CDK12: variants seen among roughly 807,000 people sequenced by gnomAD.
CDK12 encodes the protein cyclin-dependent kinase 12.
In CDK12, 17 loss-of-function variants were observed where a neutral mutation model predicts 133.8. The observed-to-expected ratio is 0.13, with a 90% CI of 0.09 to 0.19. The LOEUF (loss-of-function observed/expected upper bound fraction) is 0.19. CDK12 is among the 10% of genes least tolerant of loss of function. The pLI, the probability that CDK12 is intolerant of heterozygous loss-of-function variation, is 1.00. For missense variants in CDK12, 1,508 were observed against 1,818.7 expected (o/e 0.83, Z 3.11); for synonymous variants, 694 against 683.6 (o/e 1.02, Z -0.24).
intron 1 of CDK12, among the ~76,000 whole-genome samples, chr17:39,470,357 G>A (rs1239401810): frequency 1.3e-5 from 2 of 151,990 alleles, no homozygotes; most frequent in Non-Finnish European, 2.9e-5. Flanking sequence ...TGCTGACCTG[G>A]TGATCTGCCC....
chr17:39,558,473 G>T (rs1371792831), intron 3 of CDK12, among the ~76,000 whole-genome samples: 1 of 152,148 alleles, frequency 6.6e-6, no homozygotes, highest in Non-Finnish European at 1.5e-5. Flanking sequence ...GCCAGGCATT[G>T]TACTGAGTGT....
chr17:39,498,519 G>A (rs574690460), intron 5 of CDK12, among the ~76,000 whole-genome samples: 5 of 151,976 alleles, frequency 3.3e-5, no homozygotes, highest in South Asian at 2.1e-4. Flanking sequence ...CGCCGCGCCC[G>A]GCCATCCTTC....
downstream of CDK12, among the ~76,000 whole-genome samples, chr17:39,537,638 C>T (rs1263294055): frequency 1.3e-5 from 2 of 150,456 alleles, no homozygotes; most frequent in African/African-American, 4.9e-5. Context: ...TCTCGGCTCA[C>T]TGCAGCCTCC....
chr17:39,557,830 G>C (rs552637153), intron 3 of CDK12, among the ~76,000 whole-genome samples: 24 of 152,266 alleles, frequency 1.6e-4, no homozygotes, highest in Admixed American at 9.2e-4. Context: ...ACAAGTTTTG[G>C]AGACAGACAG....
In CDK12 at chr17:39,525,116, C is replaced by T. The variant is rs1326565733; in HGVS notation, c.3307+231C>T. On this transcript the variant is annotated intron_variant, in intron 12 of 13. Transcript: ENST00000447079. ...TTCCTTTCCTGAAATATGTACGGAACACTGTATCTCAATTAGATGTGTGGC... is the reference window on the plus strand; with the variant it reads ...TTCCTTTCCTGAAATATGTACGGAATACTGTATCTCAATTAGATGTGTGGC... Among the ~76,000 whole-genome samples the T allele has an allele frequency of 2.0e-5, 3 of 152,164 alleles. No homozygotes were observed. The East Asian group carries it at 5.8e-4, about 29-fold the overall frequency.
At chr17:39,517,340 CCCCAGA>C in intron 9 of CDK12, 94 bp from the exon 10 acceptor site, 1 of 707,578 alleles carries the variant, frequency 1.4e-6, no homozygotes, top group Non-Finnish European at 2.5e-6. Flanking sequence ...ACCAAAGATT[CCCCAGA>C]CCTCAGGAGG....
chr17:39,538,904 A>AATACATAC (rs199620122), downstream of CDK12, among the ~76,000 whole-genome samples: 4,278 of 144,878 alleles, frequency 0.03, 74 homozygotes, highest in East Asian at 0.047. Flanking sequence ...ATCTCAAATA[A>AATACATAC]ATACATACAT....
At chr17:39,525,261 G>C (rs999914464) in intron 12 of CDK12, among the ~76,000 whole-genome samples, 2 of 152,160 alleles carry the variant, frequency 1.3e-5, no homozygotes, top group African/African-American at 4.8e-5. Flanking sequence ...ATAGAATCTA[G>C]TAGTGTTAAA....
At chr17:39,466,198 C>G (rs1043990222) in intron 1 of CDK12, among the ~76,000 whole-genome samples, 2 of 151,436 alleles carry the variant, frequency 1.3e-5, no homozygotes, top group Admixed American at 6.6e-5. Context: ...ATCCCAGCTA[C>G]TCGGGAGGCT....
chr17:39,491,539 T>C (rs1448783170), intron 3 of CDK12, among the ~76,000 whole-genome samples: 1 of 152,062 alleles, frequency 6.6e-6, no homozygotes, highest in East Asian at 1.9e-4. Context: ...TCCGGCCTTA[T>C]ATTTTCATAG....
At chr17:39,515,911 T>C (rs550846394) in intron 9 of CDK12, 103 bp downstream of exon 9, 4 of 707,110 alleles carry the variant, frequency 5.7e-6, no homozygotes, top group East Asian at 5.4e-5. Flanking sequence ...ATGTTTCTTA[T>C]GTCCAAGTAA....
intron 5 of CDK12, 49 bp downstream of exon 5, chr17:39,494,743 G>T: frequency 6.5e-5 from 80 of 1,237,292 alleles, no homozygotes; most frequent in South Asian, 2.7e-4. Flanking sequence ...TCCAATCTTT[G>T]CCTTTCTTTT....
chr17:39,464,297 T>G (rs908234460), intron 1 of CDK12, among the ~76,000 whole-genome samples: 2 of 151,982 alleles, frequency 1.3e-5, no homozygotes, highest in African/African-American at 4.8e-5. Context: ...CTTGGCTCAC[T>G]GCAGCCTTGA....
At chr17:39,476,715 T>TTTTTTTTTTTC (rs2050227945) in intron 2 of CDK12, among the ~76,000 whole-genome samples, 7 of 98,390 alleles carry the variant, frequency 7.1e-5, no homozygotes, top group African/African-American at 3.0e-4. Flanking sequence ...GCCTGCCTTT[T>TTTTTTTTTTTC]TTTTTTTTTT....
At chr17:39,491,453 T>C (rs2145840383) in intron 3 of CDK12, among the ~76,000 whole-genome samples, 1 of 152,104 alleles carries the variant, frequency 6.6e-6, no homozygotes, top group Middle Eastern at 3.4e-3. Context: ...GCCAGGCTGG[T>C]CTCGAACTCT....
rs2055031040 is a variant in CDK12, at chr17:39,534,277, G to A, written c.*2961G>A. The A allele has an allele frequency of 4.3e-6, 1 of 232,836 alleles. No homozygotes were observed. Among genetic ancestry groups the A allele is most frequent in the African/African-American group, 2.2e-5 (1 of 45,316 alleles). The allele number at this position is 232,836 out of a possible 1,614,324, so 14.4% of individuals were successfully genotyped here. On this transcript the variant is annotated 3_prime_UTR_variant, in exon 14 of 14. Transcript: ENST00000447079. ...ATCACCCAACCACTTGTATGTGTGT[G>A]TGTATATATAATATGCATATATAGT...
intron 8 of CDK12, among the ~76,000 whole-genome samples, chr17:39,514,741 A>G (rs4794813): frequency 3.9e-5 from 6 of 152,036 alleles, no homozygotes; most frequent in African/African-American, 1.5e-4. Flanking sequence ...ATTTAAACCT[A>G]TTTTATTGAA....
Position 39,492,793 on chromosome 17 carries a change from C to T in CDK12, c.2151C>T (p.Ser717=), listed in dbSNP as rs777401578. 10 of 1,612,154 alleles carry T rather than the reference C, an allele frequency of 6.2e-6. No individual in the cohort carries two copies. The highest frequency in any genetic ancestry group is 2.7e-5 in the African/African-American group (2 of 74,764). Residue 717 remains serine, a synonymous_variant, in exon 4 of 14, where the codon AGC becomes AGT. Coordinates refer to ENST00000447079, the MANE Select transcript of CDK12 (RefSeq NM_016507.4). ...PRYGERRQTE[S]DWGKRCVDKF... ...ATGGAGAAAGAAGACAAACAGAAAG[C>T]GACTGGGGGAAACGCTGTGTGGACA...
At chr17:39,540,986 T>G (rs1348836295) in intron 1 of CDK12, among the ~76,000 whole-genome samples, 1 of 152,224 alleles carries the variant, frequency 6.6e-6, no homozygotes, top group Non-Finnish European at 1.5e-5. Context: ...TCACTGTGTC[T>G]TCCTTTCCAA....
Sources: gnomAD v4.1 joint callset for allele counts (sites outside exome capture counted in the v4.1 genomes callset) on GRCh38, gnomAD v4.1.1 for gene constraint, MANE v1.5 for transcripts, NCBI Gene and HGNC (gene_info 2026-07-23, HGNC 2026-07-21) for gene names.